RIN3: variants seen among roughly 807,000 people sequenced by gnomAD.
RIN3 encodes Ras and Rab interactor 3, also known as RAB5 interacting protein 3.
In RIN3, 54 loss-of-function variants were observed where a neutral mutation model predicts 76.3. The ratio of observed to expected loss-of-function variants is 0.71; its 90% confidence interval spans 0.57 to 0.89. The LOEUF is 0.89. Among genes scored for constraint, RIN3 ranks in the 40% least tolerant of loss-of-function variants. RIN3 has a pLI of 0.00. For missense variants in RIN3, 1,256 were observed against 1,322.1 expected (o/e 0.95, Z 0.78); for synonymous variants, 576 against 564.0 (o/e 1.02, Z -0.30).
In RIN3 at chr14:92,688,347, A is replaced by G; in HGVS notation, c.*95A>G. On this transcript the variant is annotated 3_prime_UTR_variant, in exon 10 of 10. Coordinates refer to ENST00000216487, the MANE Select transcript of RIN3 (RefSeq NM_024832.5). Reference sequence around the variant, plus strand: ...ACCGCGACGTCCACGCAGCAGAGGGACATGGGCCATTCCATGACGTGCCCA... The same window carrying G: ...ACCGCGACGTCCACGCAGCAGAGGGGCATGGGCCATTCCATGACGTGCCCA... 1.6e-6 allele frequency: 2 copies of G among 1,216,762 alleles called. No individual in the cohort carries two copies. Among genetic ancestry groups the G allele is most frequent in the South Asian group, 1.6e-5 (1 of 63,372 alleles). 75.4% of individuals were successfully genotyped at this position (1,216,762 alleles called of 1,614,324 possible).
intron 9 of RIN3, 43 bp from the exon 10 acceptor site, chr14:92,687,883 G>A (rs760256907): frequency 1.6e-4 from 231 of 1,478,368 alleles, no homozygotes; most frequent in Non-Finnish European, 2.0e-4. Context: ...CGCCTGAGGA[G>A]ACAGGGCCCC....
chr14:92,649,065 G>C (rs754388), intron 5 of RIN3, among the ~76,000 whole-genome samples: 128,097 of 152,168 alleles, frequency 0.84, 54,081 homozygotes, highest in East Asian at 1. Context: ...CCTGCAGACT[G>C]GAATGCCAGG....
At chr14:92,665,821 A>G (rs373082118) in intron 7 of RIN3, among the ~76,000 whole-genome samples, 7 of 150,910 alleles carry the variant, frequency 4.6e-5, no homozygotes, top group African/African-American at 1.7e-4. Flanking sequence ...AGTCTTAGCC[A>G]GATCCCAACT....
chr14:92,660,987 G>C (rs1354068727), intron 7 of RIN3, among the ~76,000 whole-genome samples: 4 of 152,148 alleles, frequency 2.6e-5, no homozygotes, highest in Non-Finnish European at 5.9e-5. Flanking sequence ...CACAGACGTG[G>C]GTTCGAACTC....
chr14:92,520,537 TC>T (rs1251377764), intron 1 of RIN3, among the ~76,000 whole-genome samples: 1 of 152,148 alleles, frequency 6.6e-6, no homozygotes, highest in African/African-American at 2.4e-5. Flanking sequence ...CCACCCTACC[TC>T]CCGACTGACA....
intron 2 of RIN3, among the ~76,000 whole-genome samples, chr14:92,575,089 G>A (rs1394417485): frequency 6.6e-6 from 1 of 152,038 alleles, no homozygotes; most frequent in Admixed American, 6.6e-5. Context: ...TTTGGGTTTG[G>A]GCCAGACTAG....
At chr14:92,626,875 C>A (rs569771033) in intron 4 of RIN3, among the ~76,000 whole-genome samples, 1 of 152,208 alleles carries the variant, frequency 6.6e-6, no homozygotes, top group East Asian at 1.9e-4. Context: ...GTTGTTTTCT[C>A]CAGAAGAGGG....
chr14:92,639,480 G>A (rs1020587273), intron 4 of RIN3, among the ~76,000 whole-genome samples: 1 of 152,198 alleles, frequency 6.6e-6, no homozygotes, highest in Non-Finnish European at 1.5e-5. Flanking sequence ...AGGGCAGGTG[G>A]GATAATGAGG....
intron 5 of RIN3, chr14:92,644,450 A>G (rs937811825): frequency 4.0e-5 from 6 of 150,932 alleles, no homozygotes; most frequent in South Asian, 4.2e-4. Flanking sequence ...GAAGAACTGC[A>G]TTCCTTTCTG....
chr14:92,683,729 ATTAAC>A (rs1164608460), intron 8 of RIN3, among the ~76,000 whole-genome samples: 9 of 152,214 alleles, frequency 5.9e-5, no homozygotes, highest in Non-Finnish European at 1.3e-4. Context: ...CTATGTGTGA[ATTAAC>A]TTAAGAAATG....
intron 3 of RIN3, among the ~76,000 whole-genome samples, chr14:92,584,725 C>T (rs1187875202): frequency 3.3e-5 from 5 of 152,216 alleles, no homozygotes; most frequent in East Asian, 3.9e-4. Flanking sequence ...GCAGCCTGCC[C>T]GTTTATGGCT....
chr14:92,671,062 C>G (rs1237307026), intron 7 of RIN3, among the ~76,000 whole-genome samples: 1 of 152,182 alleles, frequency 6.6e-6, no homozygotes, highest in Non-Finnish European at 1.5e-5. Flanking sequence ...ATAGTTCAGT[C>G]CATTGTCAGC....
chr14:92,589,435 T>C (rs770563312), intron 3 of RIN3, among the ~76,000 whole-genome samples: 2 of 152,176 alleles, frequency 1.3e-5, no homozygotes, highest in Non-Finnish European at 2.9e-5. Context: ...GGGCAGAGCC[T>C]GTTGCAAGTG....
chr14:92,518,668 T>A (rs1040319551), intron 1 of RIN3, among the ~76,000 whole-genome samples: 1 of 152,198 alleles, frequency 6.6e-6, no homozygotes, highest in Non-Finnish European at 1.5e-5. Flanking sequence ...CCCTGGATAC[T>A]GTGTCTCAGC....
At chr14:92,642,516 C>T (rs934999080) in intron 5 of RIN3, among the ~76,000 whole-genome samples, 1 of 152,154 alleles carries the variant, frequency 6.6e-6, no homozygotes, top group Non-Finnish European at 1.5e-5. Context: ...AGCAGTTCAT[C>T]AACAAGTCTT....
At position 92,568,099 on chromosome 14, in the gene RIN3, T is replaced by C. The variant is rs1035522589; in HGVS notation, c.250-9261T>C. ...GGCTGGTGAGGGGCAGAGGTAGTATTTGTGTTTCACTGTGTCTCTAAATAG... is the reference window on the plus strand; with the variant it reads ...GGCTGGTGAGGGGCAGAGGTAGTATCTGTGTTTCACTGTGTCTCTAAATAG... On this transcript the variant is annotated intron_variant, in intron 2 of 9. Coordinates refer to ENST00000216487, the MANE Select transcript of RIN3 (RefSeq NM_024832.5). This position sits in a 1 kb window ranked among gnomAD's most constrained non-coding sequence, Gnocchi z 4.2. 2.0e-5 allele frequency among the ~76,000 whole-genome samples: 3 copies of C among 152,100 alleles called. No homozygotes were observed. Among genetic ancestry groups the C allele is most frequent in the Non-Finnish European group, 4.4e-5 (3 of 68,018 alleles).
intron 1 of RIN3, among the ~76,000 whole-genome samples, chr14:92,538,961 C>G (rs34439941): frequency 0.33 from 50,347 of 151,644 alleles, 8,580 homozygotes; most frequent in Admixed American, 0.38. Context: ...CCACCCTGTC[C>G]CCCAGCCTCC....
chr14:92,543,980 G>A (rs1159243478), intron 1 of RIN3, among the ~76,000 whole-genome samples: 1 of 151,968 alleles, frequency 6.6e-6, no homozygotes, highest in Non-Finnish European at 1.5e-5. Flanking sequence ...GTCTAATTCA[G>A]CCCTAGCTTC....
At chr14:92,573,778 G>A (rs1156866218) in intron 2 of RIN3, among the ~76,000 whole-genome samples, 2 of 152,194 alleles carry the variant, frequency 1.3e-5, no homozygotes, top group African/African-American at 4.8e-5. Context: ...CATGGGCCTG[G>A]TGGCCAAGGA....
Sources: gnomAD v4.1 joint callset for allele counts (sites outside exome capture counted in the v4.1 genomes callset) on GRCh38, gnomAD v4.1.1 for gene constraint, Gnocchi (gnomAD v3.1) non-coding constraint, MANE v1.5 for transcripts, NCBI Gene and HGNC (gene_info 2026-07-23, HGNC 2026-07-21) for gene names.